The following UBAP1L variants were observed in gnomAD, a reference collection of about 807,000 sequenced individuals.
UBAP1L encodes ubiquitin-associated protein 1-like.
In UBAP1L, 32 loss-of-function variants were observed where a neutral mutation model predicts 32.1. The ratio of observed to expected loss-of-function variants is 1.00; its 90% CI spans 0.75 to 1.34. UBAP1L has a LOEUF of 1.34. Ranked by LOEUF, UBAP1L falls within the 40% of genes most tolerant of loss-of-function variation. UBAP1L has a pLI of 0.00. For synonymous variants in UBAP1L, 243 were observed against 250.2 expected, an observed-to-expected ratio of 0.97 and a Z score of 0.27; for missense variants, 516 against 540.5, an observed-to-expected ratio of 0.95 and a Z score of 0.45.
intron 3 of UBAP1L, chr15:65,100,300 T>C (rs528775131): frequency 6.6e-6 from 1 of 150,802 alleles, no homozygotes; most frequent in South Asian, 2.1e-4. Flanking sequence ...GAAAGAAATA[T>C]GAGGTCCATT....
chr15:65,108,319 A>C lies in UBAP1L; in HGVS notation c.-173-1931T>G, dbSNP rs1418548934. Among the ~76,000 whole-genome samples the C allele has an allele frequency of 4.1e-4, 63 of 152,128 alleles. 1 individual carries two copies. Among genetic ancestry groups the C allele is most frequent in the Admixed American group, 4.1e-3 (63 of 15,266 alleles). On this transcript the variant is annotated intron_variant, in intron 1 of 5. Transcript: ENST00000559089. ...CAAAAACAATATTGACCTCTACCTC[A>C]TGTCATACCTAAAAATCAATTCCAG...
Position 65,093,117 on chromosome 15 carries a change from GC to G in UBAP1L, c.1125del (p.Glu375AspfsTer19), listed in dbSNP as rs755280849. 4 of 1,549,230 alleles carry G rather than the reference GC, an allele frequency of 2.6e-6. No individual in the cohort carries two copies. The highest frequency in any genetic ancestry group is 3.5e-6 in the Non-Finnish European group (4 of 1,146,502). ...CGTGGTCACTGGGCACAGGCCACCA[GC>G]TCCTCCAGGGCTTGCTCTCGGCGGT... ...HGNRREQALE[E>X]LVACAQ On this transcript the variant is annotated frameshift_variant, in exon 6 of 6. Transcript: ENST00000559089. LOFTEE classifies it high-confidence loss of function.
intron 1 of UBAP1L, among the ~76,000 whole-genome samples, chr15:65,107,531 G>A (rs2087328550): frequency 6.6e-6 from 1 of 151,824 alleles, no homozygotes; most frequent in Non-Finnish European, 1.5e-5. Flanking sequence ...TTGAGGTCAG[G>A]AGTTGGAGAC....
intron 2 of UBAP1L, among the ~76,000 whole-genome samples, chr15:65,104,288 A>AAGAG (rs1026238596): frequency 6.6e-6 from 1 of 151,726 alleles, no homozygotes; most frequent in Non-Finnish European, 1.5e-5. Flanking sequence ...AAGAAAAGAA[A>AAGAG]AGAGAGAGAG....
At chr15:65,106,441 T>A (rs2087313092) in intron 1 of UBAP1L, 53 bp from the exon 2 acceptor site, 1 of 454,362 alleles carries the variant, frequency 2.2e-6, no homozygotes, top group Admixed American at 4.5e-5. Flanking sequence ...CGGACAGAAA[T>A]TCACTATTTC....
chr15:65,102,764 C>T lies in UBAP1L; in HGVS notation c.121-80G>A. ...ACACTAACCCCTGGCCTGGGGGACC[C>T]TGTTCAGCCAGAGACTCTCTAAGCC... On this transcript the variant is annotated intron_variant, in intron 2 of 5. Transcript: ENST00000559089. The surrounding 1 kb of genome is among the most constrained non-coding windows in gnomAD (Gnocchi z 5.0). 7.5e-7 allele frequency: 1 copy of T among 1,325,732 alleles called. No individual in the cohort carries two copies. The highest frequency in any genetic ancestry group is 1.5e-5 in the African/African-American group (1 of 67,020). 82.1% of individuals were successfully genotyped at this position (1,325,732 alleles called of 1,614,324 possible). A position where few individuals can be genotyped will look rare whatever the true frequency, so the allele number is the denominator to read the frequency against.
Position 65,094,009 on chromosome 15 carries a change from T to C in UBAP1L, c.1011+466A>G, listed in dbSNP as rs2087146702. ...TTGCAGTGAGCCAAGATCGTGCCAT[T>C]GCACTCCAGCCTGGGCAATAGAGTG... On this transcript the variant is annotated intron_variant, in intron 5 of 5. Transcript: ENST00000559089. This position sits in a 1 kb window ranked among gnomAD's most constrained non-coding sequence, Gnocchi z 4.2. Among the ~76,000 whole-genome samples, 1 of 152,154 alleles carries C rather than the reference T, an allele frequency of 6.6e-6. No individual in the cohort carries two copies. The highest frequency in any genetic ancestry group is 6.5e-5 in the Admixed American group (1 of 15,282).
chr15:65,110,078 C>T (rs1417501949), intron 1 of UBAP1L, among the ~76,000 whole-genome samples: 3 of 152,076 alleles, frequency 2.0e-5, no homozygotes, highest in Non-Finnish European at 4.4e-5. Context: ...AGAACAAAAT[C>T]GGCCGGGCGC....
chr15:65,101,725 C>T (rs557337916), intron 3 of UBAP1L: 72 of 162,712 alleles, frequency 4.4e-4, no homozygotes, highest in African/African-American at 5.0e-4. Flanking sequence ...ATCCACTGAG[C>T]GCCCCCTATG....
At chr15:65,109,705 TATG>T (rs1387509937) in intron 1 of UBAP1L, among the ~76,000 whole-genome samples, 1 of 152,144 alleles carries the variant, frequency 6.6e-6, no homozygotes, top group Non-Finnish European at 1.5e-5. Flanking sequence ...AAATAGCCAA[TATG>T]ATAAGTTGTT....
chr15:65,104,154 A>G (rs1415541387), intron 2 of UBAP1L, among the ~76,000 whole-genome samples: 1 of 152,116 alleles, frequency 6.6e-6, no homozygotes, highest in Non-Finnish European at 1.5e-5. Flanking sequence ...TGGGAGGCTG[A>G]GGCAGGAGAA....
chr15:65,096,316 G>C (rs2087173180), intron 4 of UBAP1L: 1 of 152,220 alleles, frequency 6.6e-6, no homozygotes, highest in Non-Finnish European at 1.5e-5. Flanking sequence ...GGTGTAGCCT[G>C]AGCATTGGAA....
At chr15:65,104,243 G>A (rs2087277810) in intron 2 of UBAP1L, among the ~76,000 whole-genome samples, 1 of 151,368 alleles carries the variant, frequency 6.6e-6, no homozygotes, top group Admixed American at 6.6e-5. Flanking sequence ...GACAAAGCGA[G>A]ACTCTGTCGA....
intron 4 of UBAP1L, chr15:65,098,258 G>T (rs1434696823): frequency 6.6e-6 from 1 of 152,140 alleles, no homozygotes; most frequent in Non-Finnish European, 1.5e-5. Flanking sequence ...CAACAAGACT[G>T]GTCAGATCAG....
intron 4 of UBAP1L, chr15:65,095,671 TTATGAG>T (rs2087164791): frequency 6.6e-6 from 1 of 152,208 alleles, no homozygotes; most frequent in African/African-American, 2.4e-5. Context: ...ACTACAGGAA[TTATGAG>T]TATATGTGGA....
chr15:65,105,444 A>G, intron 2 of UBAP1L: 1 of 360,900 alleles, frequency 2.8e-6, no homozygotes, highest in South Asian at 2.5e-5. Context: ...GTACCACTGC[A>G]CTCCATCTAG....
intron 1 of UBAP1L, among the ~76,000 whole-genome samples, chr15:65,114,210 C>A (rs2087388624): frequency 6.6e-6 from 1 of 150,922 alleles, no homozygotes; most frequent in Admixed American, 6.6e-5. Context: ...AACTATGACC[C>A]ATAGTATACT....
intron 2 of UBAP1L, among the ~76,000 whole-genome samples, chr15:65,103,881 G>T (rs1057029629): frequency 4.6e-5 from 7 of 151,802 alleles, no homozygotes; most frequent in African/African-American, 1.5e-4. Context: ...GCACTCAGAG[G>T]GATTAAAAAA....
At chr15:65,093,281 C>A in intron 5 of UBAP1L, 50 bp from the exon 6 acceptor site, 2 of 1,486,302 alleles carry the variant, frequency 1.3e-6, no homozygotes, top group South Asian at 2.6e-5. Flanking sequence ...TGGGCCTGGC[C>A]TCAGCCATGG....
Sources: allele counts gnomAD v4.1 joint callset (sites outside exome capture counted in the v4.1 genomes callset), GRCh38; gene constraint gnomAD v4.1.1; non-coding constraint Gnocchi (gnomAD v3.1); transcripts MANE v1.5; gene names NCBI Gene and HGNC (gene_info 2026-07-23, HGNC 2026-07-21).